CCDC174: variants seen among roughly 807,000 people sequenced by gnomAD.
CCDC174 encodes coiled-coil domain-containing protein 174.
In CCDC174, 37 loss-of-function variants were observed where a neutral mutation model predicts 57.1. The ratio of observed to expected loss-of-function variants is 0.65; its 90% CI spans 0.50 to 0.85. The LOEUF is 0.85. CCDC174 is among the 40% of genes least tolerant of loss of function. CCDC174 has a pLI of 0.00. For synonymous variants in CCDC174, 182 were observed against 190.2 expected, an observed-to-expected ratio of 0.96 and a Z score of 0.35; for missense variants, 540 against 574.3, an observed-to-expected ratio of 0.94 and a Z score of 0.61.
chr3:14,668,740 A>AT (rs2031421484), intron 9 of CCDC174, among the ~76,000 whole-genome samples: 1 of 152,178 alleles, frequency 6.6e-6, no homozygotes, highest in Non-Finnish European at 1.5e-5. Context: ...ATTGCCATCA[A>AT]TCTAGAGACT....
Position 14,655,946 on chromosome 3 carries a change from A to G in CCDC174, c.248+317A>G, listed in dbSNP as rs138549935. On this transcript the variant is annotated intron_variant, in intron 3 of 10. Coordinates refer to ENST00000383794, the MANE Select transcript of CCDC174 (RefSeq NM_016474.5). Reference sequence around the variant, plus strand: ...GATGACACTAGAATTTAGAAACCCTAAACTTCCCCCCCACCTTTTATTTTG... The same window carrying G: ...GATGACACTAGAATTTAGAAACCCTGAACTTCCCCCCCACCTTTTATTTTG... 6.5e-3 allele frequency among the ~76,000 whole-genome samples: 996 copies of G among 152,266 alleles called. 11 individuals carry two copies. Among genetic ancestry groups the G allele is most frequent in the African/African-American group, 0.023 (955 of 41,544 alleles).
At position 14,670,821 on chromosome 3, in the gene CCDC174, A is replaced by G. The variant is rs545736083; in HGVS notation, c.1106-75A>G. ...GTGGCTTTTAAGAAATATATGATAC[A>G]ATTAGATAATAGTAACAATAAATTC... On this transcript the variant is annotated intron_variant, in intron 10 of 10. Coordinates refer to ENST00000383794, the MANE Select transcript of CCDC174 (RefSeq NM_016474.5). The G allele has an allele frequency of 9.5e-5, 116 of 1,225,090 alleles. 1 individual carries two copies. The South Asian group carries it at 1.5e-3, about 16-fold the overall frequency. 75.9% of individuals were successfully genotyped at this position (1,225,090 alleles called of 1,614,324 possible). A position where few individuals can be genotyped will look rare whatever the true frequency, so the allele number is the denominator to read the frequency against.
At chr3:14,652,331 C>T (rs2030799833) in intron 1 of CCDC174, among the ~76,000 whole-genome samples, 1 of 152,158 alleles carries the variant, frequency 6.6e-6, no homozygotes, top group Non-Finnish European at 1.5e-5. Context: ...TCGCAGGACC[C>T]GAAAGTGTCC....
chr3:14,670,156 C>T, intron 10 of CCDC174, 70 bp downstream of exon 10: 1 of 1,496,008 alleles, frequency 6.7e-7, no homozygotes. Context: ...TCTAGAAGCA[C>T]TTGGGGTAAG....
Position 14,664,918 on chromosome 3 carries a change from C to G in CCDC174, c.486-110C>G, listed in dbSNP as rs967342826. 10 of 764,952 alleles carry G rather than the reference C, an allele frequency of 1.3e-5. No individual in the cohort carries two copies. In the African/African-American group the frequency reaches 1.7e-4, roughly 13 times the overall value. The allele number at this position is 764,952 out of a possible 1,614,324, so 47.4% of individuals were successfully genotyped here. ...GTAGTGGTCTCTGAGGTTGGGGGCT[C>G]TTCTTGGTAGTGAGGCCTATCTTCC... On this transcript the variant is annotated intron_variant, in intron 5 of 10. Transcript: ENST00000383794.
intron 6 of CCDC174, among the ~76,000 whole-genome samples, chr3:14,666,346 G>A (rs2031338089): frequency 2.0e-5 from 3 of 152,190 alleles, no homozygotes; most frequent in Admixed American, 1.3e-4. Flanking sequence ...AGGCTGGCCG[G>A]GCGCAGTGGC....
At chr3:14,661,740 A>T in intron 5 of CCDC174, 33 bp downstream of exon 5, 1 of 1,563,104 alleles carries the variant, frequency 6.4e-7, no homozygotes, top group Non-Finnish European at 8.7e-7. Context: ...TCAGAGGAAC[A>T]TCCTCAGACT....
chr3:14,658,469 A>G (rs184871020), intron 3 of CCDC174, among the ~76,000 whole-genome samples: 1 of 152,348 alleles, frequency 6.6e-6, no homozygotes, highest in East Asian at 1.9e-4. Context: ...CATCAGAATT[A>G]CTGTGAGCAG....
chr3:14,658,503 G>A (rs1000172495), intron 3 of CCDC174, among the ~76,000 whole-genome samples: 1 of 152,190 alleles, frequency 6.6e-6, no homozygotes, highest in African/African-American at 2.4e-5. Context: ...TTGGAATGTT[G>A]ACATTTGTTT....
At chr3:14,654,329 C>T (rs1016103930) in intron 1 of CCDC174, 97 bp from the exon 2 acceptor site, 94 of 690,628 alleles carry the variant, frequency 1.4e-4, no homozygotes, top group African/African-American at 3.7e-5. Flanking sequence ...GTCCATTTAG[C>T]GGAACTTGAA....
intron 3 of CCDC174, among the ~76,000 whole-genome samples, chr3:14,658,151 T>G (rs2031021233): frequency 6.6e-6 from 1 of 152,226 alleles, no homozygotes; most frequent in Non-Finnish European, 1.5e-5. Flanking sequence ...CATTCCTTTC[T>G]TTATTGTCCT....
At chr3:14,652,734 T>A (rs891752352) in intron 1 of CCDC174, among the ~76,000 whole-genome samples, 1 of 151,848 alleles carries the variant, frequency 6.6e-6, no homozygotes, top group African/African-American at 2.4e-5. Context: ...AAACCCCGTC[T>A]CTACTAAAAA....
In CCDC174 at chr3:14,658,879, T is replaced by G. The variant is rs762911394; in HGVS notation, c.257T>G (p.Leu86Trp). 2 of 1,542,592 alleles carry G rather than the reference T, an allele frequency of 1.3e-6. No homozygotes were observed. Among genetic ancestry groups the G allele is most frequent in the Non-Finnish European group, 1.8e-6 (2 of 1,129,092 alleles). Reference sequence around the variant, plus strand: ...TATTTTTTTTCTCCTAGGGAAAAATTGGAAGAAAAAGCCAAATTATATGAA... The same window carrying G: ...TATTTTTTTTCTCCTAGGGAAAAATGGGAAGAAAAAGCCAAATTATATGAA... The part of the protein sequence containing the change: ...QKTLDKAREK[L>W]EEKAKLYEKM... The change falls in exon 4 of 11, where the codon TTG (leucine) becomes TGG (tryptophan). Residue 86 changes from leucine to tryptophan, a missense_variant. Physicochemically the swap from Leu to Trp is moderately conservative, Grantham distance 61. Coordinates refer to ENST00000383794, the MANE Select transcript of CCDC174 (RefSeq NM_016474.5).
Position 14,670,943 on chromosome 3 carries a change from G to A in CCDC174, c.1153G>A (p.Glu385Lys), listed in dbSNP as rs1232312134. ...WSKRQSDLRA[E>K]RDPEFAPPSD... ...GAAGAGGCAGTCAGATCTCCGGGCT[G>A]AGAGAGATCCTGAGTTTGCCCCGCC... is the stretch of plus-strand genomic sequence containing the variant. Residue 385 changes from glutamate (E) to lysine (K), a missense_variant, in exon 11 of 11, where the codon GAG becomes AAG. Glu to Lys is a moderately conservative substitution (Grantham distance 56, BLOSUM62 1). Transcript: ENST00000383794. 1 of 1,613,968 alleles carries A rather than the reference G, an allele frequency of 6.2e-7. No individual in the cohort carries two copies. The highest frequency in any genetic ancestry group is 8.5e-7 in the Non-Finnish European group (1 of 1,179,940).
chr3:14,666,670 G>C (rs1181251930), intron 6 of CCDC174, 135 bp from the exon 7 acceptor site: 1 of 636,348 alleles, frequency 1.6e-6, no homozygotes. Flanking sequence ...CAGCAGTCTT[G>C]TGGGTCAGAA....
chr3:14,655,244 G>A (rs1373046256), intron 2 of CCDC174, among the ~76,000 whole-genome samples: 1 of 152,070 alleles, frequency 6.6e-6, no homozygotes, highest in African/African-American at 2.4e-5. Flanking sequence ...CCAGGATGTT[G>A]AGGCTGCAGT....
intron 5 of CCDC174, 27 bp from the exon 6 acceptor site, chr3:14,665,001 C>T: frequency 6.4e-7 from 1 of 1,552,228 alleles, no homozygotes; most frequent in Non-Finnish European, 8.9e-7. Context: ...ACAAGTCCTT[C>T]TTCACATCTT....
intron 5 of CCDC174, among the ~76,000 whole-genome samples, chr3:14,663,138 C>T (rs2031206549): frequency 6.6e-6 from 1 of 152,198 alleles, no homozygotes; most frequent in Non-Finnish European, 1.5e-5. Context: ...ATCACAGCCT[C>T]GACCTCCTGG....
intron 6 of CCDC174, among the ~76,000 whole-genome samples, chr3:14,666,472 A>G (rs1045444910): frequency 6.6e-6 from 1 of 151,872 alleles, no homozygotes; most frequent in Non-Finnish European, 1.5e-5. Flanking sequence ...AAAATACAAA[A>G]ATTAGCCAGA....
Sources: allele counts gnomAD v4.1 joint callset (sites outside exome capture counted in the v4.1 genomes callset), GRCh38; gene constraint gnomAD v4.1.1; transcripts MANE v1.5; gene names NCBI Gene and HGNC (gene_info 2026-07-23, HGNC 2026-07-21).